Variants in ENPP3 observed in about 807,000 individuals in gnomAD.
The protein encoded by ENPP3 is ectonucleotide pyrophosphatase/phosphodiesterase 3.
In ENPP3, 104 loss-of-function variants were observed where a neutral mutation model predicts 117.8. That is an observed-to-expected ratio of 0.88 (90% confidence interval 0.75 to 1.04). The LOEUF is 1.04. Among genes scored for constraint, ENPP3 ranks in the 50% least tolerant of loss-of-function variants. The pLI is 0.00. For missense variants in ENPP3, 1,026 were observed against 1,051.9 expected (o/e 0.98, Z 0.34); for synonymous variants, 380 against 349.9 (o/e 1.09, Z -0.96).
At chr6:131,742,571 C>A (rs905063980) in intron 24 of ENPP3, among the ~76,000 whole-genome samples, 2 of 152,060 alleles carry the variant, frequency 1.3e-5, no homozygotes, top group Admixed American at 1.3e-4. Context: ...GTCATAGCCT[C>A]TCACCCCAAA....
chr6:131,645,128 G>A lies in ENPP3; in HGVS notation c.154+3598G>A, dbSNP rs151159131. ...CAACCAACCTATGCCCTCTCTTGGT[G>A]CTGAGCACCCAAATTGGCTTTAGTT... On this transcript the variant is annotated intron_variant, in intron 2 of 24. Transcript: ENST00000357639. Among the ~76,000 whole-genome samples, 495 of 152,298 alleles carry A rather than the reference G, an allele frequency of 3.3e-3. 3 individuals carry two copies. The highest frequency in any genetic ancestry group is 0.01 in the African/African-American group (423 of 41,556).
intron 2 of ENPP3, among the ~76,000 whole-genome samples, chr6:131,643,946 T>TGA (rs1170621915): frequency 7.3e-6 from 1 of 137,552 alleles, no homozygotes; most frequent in Non-Finnish European, 1.6e-5. Flanking sequence ...TGTGTGTCTG[T>TGA]GTGTGTGTGT....
rs1014764061 is a variant in ENPP3, at chr6:131,747,069, C to T, written c.*113C>T. 1 of 507,660 alleles carries T rather than the reference C, an allele frequency of 2.0e-6. No individual in the cohort carries two copies. Among genetic ancestry groups the T allele is most frequent in the Non-Finnish European group, 3.4e-6 (1 of 297,710 alleles). 31.4% of individuals were successfully genotyped at this position (507,660 alleles called of 1,614,324 possible). On this transcript the variant is annotated 3_prime_UTR_variant, in exon 25 of 25. Transcript: ENST00000357639. ...AAAGTTTTCTATTTTTCCTTAAGTC[C>T]CCTAAAAGCCATAATTTTTATTATT...
intron 21 of ENPP3, among the ~76,000 whole-genome samples, chr6:131,734,061 C>G (rs1235553167): frequency 6.6e-6 from 1 of 152,126 alleles, no homozygotes; most frequent in Non-Finnish European, 1.5e-5. Context: ...TAAGGTCCAC[C>G]TGGAGAATAC....
At chr6:131,696,196 G>C (rs921017072) in intron 15 of ENPP3, among the ~76,000 whole-genome samples, 4 of 152,158 alleles carry the variant, frequency 2.6e-5, no homozygotes, top group African/African-American at 9.7e-5. Context: ...AGTATTAAGT[G>C]CTTTTTTAAA....
chr6:131,738,040 A>G lies in ENPP3; in HGVS notation c.2177A>G (p.Asp726Gly), dbSNP rs1231763926. 4 of 1,589,446 alleles carry G rather than the reference A, an allele frequency of 2.5e-6. No individual in the cohort carries two copies. The Admixed American group carries it at 7.1e-5, about 28-fold the overall frequency. ...PMYEEFRKMWDYFHSVLLIKH... is the reference protein window; with the variant it reads ...PMYEEFRKMWGYFHSVLLIKH... ...ATGATTTTATTTTTAGAAATGTGGG[A>G]CTACTTCCACAGTGTTCTTCTTATA... The change falls in exon 23 of 25, where the codon GAC becomes GGC. Residue 726 changes from aspartate to glycine, a missense_variant. Transcript: ENST00000357639.
intron 6 of ENPP3, among the ~76,000 whole-genome samples, chr6:131,670,584 G>A (rs1012634554): frequency 3.9e-5 from 6 of 152,134 alleles, no homozygotes; most frequent in Non-Finnish European, 8.8e-5. Context: ...TCCATCTCCT[G>A]AGCTCAAACA....
intron 24 of ENPP3, among the ~76,000 whole-genome samples, chr6:131,746,343 T>C (rs1291956793): frequency 6.6e-6 from 1 of 152,120 alleles, no homozygotes; most frequent in Non-Finnish European, 1.5e-5. Flanking sequence ...CAAACGTTAA[T>C]ACCGAATGAA....
At chr6:131,640,326 T>C (rs1778015484) in intron 1 of ENPP3, among the ~76,000 whole-genome samples, 1 of 152,206 alleles carries the variant, frequency 6.6e-6, no homozygotes, top group African/African-American at 2.4e-5. Flanking sequence ...GAACTGCTAA[T>C]GGTGTTATTT....
At chr6:131,680,653 G>A (rs574926924) in intron 11 of ENPP3, among the ~76,000 whole-genome samples, 24 of 152,246 alleles carry the variant, frequency 1.6e-4, no homozygotes, top group Middle Eastern at 3.4e-3. Context: ...AGTTTTAATC[G>A]CATACCTTTA....
At chr6:131,665,757 C>G (rs1778603997) in intron 6 of ENPP3, among the ~76,000 whole-genome samples, 1 of 151,868 alleles carries the variant, frequency 6.6e-6, no homozygotes, top group South Asian at 2.1e-4. Flanking sequence ...CTTTTTTCTG[C>G]TAAACTTGGA....
At chr6:131,702,465 T>A (rs1779560344) in intron 15 of ENPP3, among the ~76,000 whole-genome samples, 1 of 151,098 alleles carries the variant, frequency 6.6e-6, no homozygotes, top group Non-Finnish European at 1.5e-5. Context: ...AGATGAGCAT[T>A]TATGTGAATG....
chr6:131,646,306 G>GTGT (rs1778151925), intron 2 of ENPP3, among the ~76,000 whole-genome samples: 1 of 146,478 alleles, frequency 6.8e-6, no homozygotes, highest in Admixed American at 7.0e-5. Context: ...GTGTGTGTGT[G>GTGT]TGTTGTTATT....
At chr6:131,658,772 G>A (rs1201748371) in intron 6 of ENPP3, among the ~76,000 whole-genome samples, 2 of 152,148 alleles carry the variant, frequency 1.3e-5, no homozygotes, top group Admixed American at 6.5e-5. Flanking sequence ...AGCGAGAACC[G>A]GATCCTGAAG....
chr6:131,674,201 A>G lies in ENPP3; in HGVS notation c.682A>G (p.Met228Val). 1 of 1,575,904 alleles carries G rather than the reference A, an allele frequency of 6.3e-7. No individual in the cohort carries two copies. Among genetic ancestry groups the G allele is most frequent in the Non-Finnish European group, 8.7e-7 (1 of 1,146,066 alleles). Reference sequence around the variant, plus strand: ...GTCACATGGCATCATTGACAATAATATGTATGATGTAAATCTCAACAAGAA... The same window carrying G: ...GTCACATGGCATCATTGACAATAATGTGTATGATGTAAATCTCAACAAGAA... ...PESHGIIDNNMYDVNLNKNFS... is the reference protein window; with the variant it reads ...PESHGIIDNNVYDVNLNKNFS... Residue 228 changes from methionine to valine, a missense_variant, in exon 8 of 25, where the codon ATG becomes GTG. Transcript: ENST00000357639.
intron 20 of ENPP3, 99 bp downstream of exon 20, chr6:131,726,299 G>A: frequency 9.1e-7 from 1 of 1,097,356 alleles, no homozygotes; most frequent in Admixed American, 2.0e-5. Context: ...GATTCAAAGG[G>A]AGGGAACTCA....
In ENPP3 at chr6:131,732,744, A is replaced by ATTT. The variant is rs1220819682; in HGVS notation, c.1954-842_1954-841insTTT. On this transcript the variant is annotated intron_variant, in intron 20 of 24. Transcript: ENST00000357639. ...TATTATTATTATTATTATTATTATT[A>ATTT]TTATTATTTTCAGATGGAGTCTCAC... 2.1e-5 allele frequency among the ~76,000 whole-genome samples: 3 copies of ATTT among 142,242 alleles called. No individual in the cohort carries two copies. The East Asian group carries it at 6.1e-4, about 29-fold the overall frequency. The allele number at this position is 142,242 out of a possible 152,430, so 93.3% of individuals were successfully genotyped here. A position where few individuals can be genotyped will look rare whatever the true frequency, so the allele number is the denominator to read the frequency against.
chr6:131,671,244 G>A lies in ENPP3; in HGVS notation c.563-4G>A. 1 of 1,559,970 alleles carries A rather than the reference G, an allele frequency of 6.4e-7. No individual in the cohort carries two copies. Among genetic ancestry groups the A allele is most frequent in the Non-Finnish European group, 8.8e-7 (1 of 1,132,062 alleles). On this transcript the variant is annotated splice_polypyrimidine_tract_variant and splice_region_variant and intron_variant, in intron 6 of 24. Coordinates refer to ENST00000357639, the MANE Select transcript of ENPP3 (RefSeq NM_005021.5). ...TCCTAATTTCTCACCATATTCTGTT[G>A]CAGAAACATGTGGAATTCATTCAAA...
At chr6:131,681,552 A>T (rs1368430077) in intron 11 of ENPP3, among the ~76,000 whole-genome samples, 1 of 152,148 alleles carries the variant, frequency 6.6e-6, no homozygotes, top group African/African-American at 2.4e-5. Flanking sequence ...AAATTTACTT[A>T]AACTTTATAT....
Sources: gnomAD v4.1 joint callset for allele counts (sites outside exome capture counted in the v4.1 genomes callset) on GRCh38, gnomAD v4.1.1 for gene constraint, MANE v1.5 for transcripts, NCBI Gene and HGNC (gene_info 2026-07-23, HGNC 2026-07-21) for gene names.